DNAH3: variants seen among roughly 807,000 people sequenced by gnomAD.
DNAH3 encodes dynein axonemal heavy chain 3.
Under a neutral mutation model 432.5 loss-of-function variants are expected in DNAH3, and 332 were observed. That is an observed-to-expected ratio of 0.77 (90% confidence interval 0.70 to 0.84). DNAH3 has a LOEUF of 0.84. Among genes scored for constraint, DNAH3 ranks in the 40% least tolerant of loss-of-function variants. The pLI, the probability that DNAH3 is intolerant of heterozygous loss-of-function variation, is 0.00. For missense variants in DNAH3, 4,861 were observed against 5,114.0 expected (o/e 0.95, Z 1.51); for synonymous variants, 1,956 against 1,900.2 (o/e 1.03, Z -0.76).
At chr16:20,975,551 G>A (rs541935291) in intron 50 of DNAH3, 136 bp from the exon 51 acceptor site, 2 of 843,770 alleles carry the variant, frequency 2.4e-6, no homozygotes, top group East Asian at 5.2e-5. Context: ...CCTGGGTACA[G>A]ATTCGTTTCC....
chr16:21,039,212 TG>T (rs1432659284), intron 33 of DNAH3, among the ~76,000 whole-genome samples: 11 of 136,734 alleles, frequency 8.0e-5, no homozygotes, highest in African/African-American at 3.0e-4. Flanking sequence ...TTTATAGTGT[TG>T]CTTTTTTTTT....
Position 21,122,102 on chromosome 16 carries a change from G to T in DNAH3, c.1427C>A (p.Pro476His), listed in dbSNP as rs757096999. Residue 476 changes from proline (P) to histidine (H), a missense_variant, in exon 10 of 62, where the codon CCC (proline) becomes CAC (histidine). Coordinates refer to ENST00000261383, the Ensembl canonical transcript of DNAH3. Reference sequence around the variant, plus strand: ...TATGAAAAACTTCATCTCTTGGTAGGGCTCCTTAAAATCATTCCCATCCTT... The same window carrying T: ...TATGAAAAACTTCATCTCTTGGTAGTGCTCCTTAAAATCATTCCCATCCTT... 3 of 1,611,858 alleles carry T rather than the reference G, an allele frequency of 1.9e-6. No individual in the cohort carries two copies. The South Asian group carries it at 3.3e-5, about 18-fold the overall frequency.
At chr16:21,020,135 C>A (rs2088089656) in intron 40 of DNAH3, among the ~76,000 whole-genome samples, 1 of 150,568 alleles carries the variant, frequency 6.6e-6, no homozygotes, top group South Asian at 2.1e-4. Context: ...ATCTTTCCAC[C>A]CCAGCTTCCT....
chr16:20,965,531 A>C, intron 52 of DNAH3, 106 bp from the exon 53 acceptor site: 4 of 998,186 alleles, frequency 4.0e-6, no homozygotes, highest in Non-Finnish European at 4.2e-6. Context: ...AAACAAAAAC[A>C]TGGTCTGAGA....
intron 36 of DNAH3, 79 bp downstream of exon 36, chr16:21,033,895 G>GC: frequency 1.0e-6 from 1 of 952,410 alleles, no homozygotes; most frequent in Admixed American, 2.0e-5. Flanking sequence ...AAGACTAGCA[G>GC]CCTGGCATTA....
At chr16:20,933,856 C>A (rs138481378) in intron 61 of DNAH3, among the ~76,000 whole-genome samples, 2 of 152,328 alleles carry the variant, frequency 1.3e-5, no homozygotes, top group Non-Finnish European at 2.9e-5. Context: ...GATACAGAGA[C>A]AGACTGGATA....
intron 24 of DNAH3, chr16:21,062,958 G>A: frequency 2.8e-6 from 1 of 361,986 alleles, no homozygotes; most frequent in East Asian, 5.1e-5. Context: ...GAGTAGCTGG[G>A]ATTACTGGCA....
chr16:20,948,657 G>T lies in DNAH3; in HGVS notation c.11189-20C>A. ...ATTCCCCTGGGGACAACCAACAGAA[G>T]GAGAGGTTGAGCCCAGGGAAGGTCA... On this transcript the variant is annotated intron_variant, in intron 56 of 61. Coordinates refer to ENST00000261383, the Ensembl canonical transcript of DNAH3. 6.2e-7 allele frequency: 1 copy of T among 1,613,794 alleles called. No homozygotes were observed. Among genetic ancestry groups the T allele is most frequent in the Non-Finnish European group, 8.5e-7 (1 of 1,179,868 alleles).
chr16:21,144,454 C>T lies in DNAH3; in HGVS notation c.448+727G>A, dbSNP rs181484156. Among the ~76,000 whole-genome samples, 4 of 152,264 alleles carry T rather than the reference C, an allele frequency of 2.6e-5. No homozygotes were observed. The East Asian group carries it at 5.8e-4, about 22-fold the overall frequency. ...CCAACAGCCAGCAAGGACCTGATGA[C>T]ATGAGTGAGCCTGGAAGAGGATCCT... On this transcript the variant is annotated intron_variant, in intron 3 of 61. Coordinates refer to ENST00000261383, the Ensembl canonical transcript of DNAH3.
At chr16:21,022,048 A>C in exon 40 of DNAH3, 2 of 1,614,086 alleles carry the variant, frequency 1.2e-6, no homozygotes. Context: ...TTTACAATGA[A>C]GGCGACCAAA....
exon 44 of DNAH3, chr16:20,997,372 T>G: frequency 6.2e-7 from 1 of 1,614,168 alleles, no homozygotes; most frequent in South Asian, 1.1e-5. Context: ...GTCTTTTTTG[T>G]CAAACCAGTA....
intron 53 of DNAH3, 128 bp downstream of exon 53, chr16:20,963,156 T>C (rs71374845): frequency 0.083 from 73,476 of 885,488 alleles, 3,596 homozygotes; most frequent in East Asian, 0.16. Flanking sequence ...TGGCTCCACC[T>C]CAGCCTATGA....
chr16:21,090,365 T>C (rs1286814289), intron 18 of DNAH3, among the ~76,000 whole-genome samples: 1 of 138,118 alleles, frequency 7.2e-6, no homozygotes, highest in African/African-American at 2.8e-5. Flanking sequence ...ACCACACAGA[T>C]ACATTACAAA....
chr16:20,958,685 G>A (rs552942114), intron 54 of DNAH3, among the ~76,000 whole-genome samples: 1 of 152,184 alleles, frequency 6.6e-6, no homozygotes, highest in East Asian at 1.9e-4. Flanking sequence ...TGTATTCCAT[G>A]GTTCTTGTTC....
Position 20,935,499 on chromosome 16 carries a change from G to T in DNAH3, c.11860-14C>A. The stretch of plus-strand genomic sequence containing the variant: ...GTCAATCCATTCCTGGAGAGCCACA[G>T]AAATCAAGATTCAAAATCAACAACA... On this transcript the variant is annotated splice_polypyrimidine_tract_variant and intron_variant, in intron 60 of 61. Transcript: ENST00000261383. 6.2e-7 allele frequency: 1 copy of T among 1,607,810 alleles called. No homozygotes were observed. The highest frequency in any genetic ancestry group is 1.1e-5 in the South Asian group (1 of 89,574).
At chr16:21,132,266 T>C (rs148703076) in intron 7 of DNAH3, among the ~76,000 whole-genome samples, 2 of 152,308 alleles carry the variant, frequency 1.3e-5, no homozygotes, top group African/African-American at 2.4e-5. Flanking sequence ...CGTTCAAAGC[T>C]AGAGATCCTC....
At position 20,992,753 on chromosome 16, in the gene DNAH3, G is replaced by A. The variant is rs528745383; in HGVS notation, c.6601+4530C>T. On this transcript the variant is annotated intron_variant, in intron 44 of 61. Transcript: ENST00000261383. ...AGACTACAATCTGAGTAGTAGACAT[G>A]TTCATTGTTAATAAGGTGGTCATTA... 4.6e-5 allele frequency among the ~76,000 whole-genome samples: 7 copies of A among 152,322 alleles called. No individual in the cohort carries two copies. In the South Asian group the frequency reaches 1.4e-3, roughly 32 times the overall value.
chr16:20,966,021 T>C (rs1430477894), intron 52 of DNAH3, among the ~76,000 whole-genome samples: 2 of 69,054 alleles, frequency 2.9e-5, no homozygotes, highest in Non-Finnish European at 5.3e-5. Context: ...CCAATTTTTT[T>C]TTTTTTTTTT....
At chr16:21,049,233 G>A (rs1172993070) in intron 31 of DNAH3, among the ~76,000 whole-genome samples, 1 of 152,058 alleles carries the variant, frequency 6.6e-6, no homozygotes, top group Non-Finnish European at 1.5e-5. Context: ...CAAAGTGTCA[G>A]GATTACAGGT....
Sources: gnomAD v4.1 joint callset for allele counts (sites outside exome capture counted in the v4.1 genomes callset) on GRCh38, gnomAD v4.1.1 for gene constraint, MANE v1.5 for transcripts, NCBI Gene and HGNC (gene_info 2026-07-23, HGNC 2026-07-21) for gene names.